Variants in CACNA1C observed in about 807,000 individuals in gnomAD.
The protein encoded by CACNA1C is calcium voltage-gated channel subunit alpha1 C.
A neutral mutation model predicts 229.0 loss-of-function variants in CACNA1C; 30 were observed. That is an observed-to-expected ratio of 0.13 (90% confidence interval 0.10 to 0.18). The LOEUF (loss-of-function observed/expected upper bound fraction) is 0.18. Ranked by LOEUF, CACNA1C falls within the 10% of genes least tolerant of loss-of-function variation. The probability of loss-of-function intolerance (pLI) is 1.00; values close to 1 mark genes in which losing one functional copy is unlikely to be tolerated. For synonymous variants in CACNA1C, 1,114 were observed against 1,132.5 expected, an observed-to-expected ratio of 0.98 and a Z score of 0.33; for missense variants, 1,658 against 2,845.0, an observed-to-expected ratio of 0.58 and a Z score of 9.49.
At chr12:2,427,129 T>C (rs4765678) in intron 3 of CACNA1C, among the ~76,000 whole-genome samples, 118,223 of 152,066 alleles carry the variant, frequency 0.78, 46,039 homozygotes, top group Admixed American at 0.82. Flanking sequence ...AAGGATGTAA[T>C]GAGCTAGAGA....
chr12:2,218,161 G>A (rs888903987), intron 3 of CACNA1C, among the ~76,000 whole-genome samples: 2 of 152,130 alleles, frequency 1.3e-5, no homozygotes, highest in Non-Finnish European at 2.9e-5. Flanking sequence ...CTCCTCCCAC[G>A]TCCCTACTCT....
At chr12:2,137,467 T>C (rs1481161265) in intron 3 of CACNA1C, among the ~76,000 whole-genome samples, 3 of 150,692 alleles carry the variant, frequency 2.0e-5, no homozygotes, top group African/African-American at 7.3e-5. Context: ...GCACCTGTAG[T>C]TTTAGCTGCT....
chr12:2,567,462 G>T (rs2051788497), intron 12 of CACNA1C, 107 bp from the exon 13 acceptor site: 3 of 700,760 alleles, frequency 4.3e-6, no homozygotes, highest in Non-Finnish European at 7.2e-6. Flanking sequence ...GAGGTGTCAT[G>T]GGGGATCTTT....
At chr12:2,139,828 T>C (rs1014250525) in intron 3 of CACNA1C, among the ~76,000 whole-genome samples, 8 of 151,090 alleles carry the variant, frequency 5.3e-5, no homozygotes, top group Non-Finnish European at 8.9e-5. Flanking sequence ...ACTGGAGGTG[T>C]AAGGGGTGAG....
intron 3 of CACNA1C, among the ~76,000 whole-genome samples, chr12:2,158,774 A>G (rs563609796): frequency 1.3e-5 from 2 of 152,354 alleles, no homozygotes; most frequent in South Asian, 2.1e-4. Context: ...ACTTAGCCCG[A>G]TGCACCTTCT....
intron 1 of CACNA1C, among the ~76,000 whole-genome samples, chr12:2,043,642 CTTTTTTT>C (rs67625680): frequency 9.8e-5 from 9 of 91,384 alleles, no homozygotes; most frequent in African/African-American, 2.8e-4. Context: ...ACAGAATATT[CTTTTTTT>C]TTTTTTTTTT....
intron 1 of CACNA1C, among the ~76,000 whole-genome samples, chr12:2,098,271 G>A (rs1418959648): frequency 6.6e-6 from 1 of 152,198 alleles, no homozygotes; most frequent in East Asian, 1.9e-4. Context: ...GTGGGGTTTT[G>A]TAGGGATTAA....
chr12:2,599,084 GC>G (rs2153385391), intron 21 of CACNA1C, among the ~76,000 whole-genome samples: 1 of 152,312 alleles, frequency 6.6e-6, no homozygotes, highest in African/African-American at 2.4e-5. Context: ...AATTCTCAGT[GC>G]CCTTCTACAG....
intron 1 of CACNA1C, among the ~76,000 whole-genome samples, chr12:1,999,391 T>C (rs1161908063): frequency 6.6e-6 from 1 of 152,216 alleles, no homozygotes; most frequent in Non-Finnish European, 1.5e-5. Flanking sequence ...CTCAAGATGT[T>C]TATTATTATG....
upstream of CACNA1C, among the ~76,000 whole-genome samples, chr12:2,051,014 G>A (rs983166341): frequency 6.6e-6 from 1 of 152,084 alleles, no homozygotes; most frequent in Non-Finnish European, 1.5e-5. Context: ...TTTTAGTGGG[G>A]GGATACAGAC....
intron 1 of CACNA1C, among the ~76,000 whole-genome samples, chr12:2,007,846 C>T (rs1359090408): frequency 2.6e-5 from 4 of 152,188 alleles, no homozygotes; most frequent in Non-Finnish European, 5.9e-5. Context: ...ACAATCCTTT[C>T]AGCCTATGAA....
chr12:2,286,514 C>T (rs1208953691), intron 3 of CACNA1C, among the ~76,000 whole-genome samples: 1 of 152,204 alleles, frequency 6.6e-6, no homozygotes, highest in African/African-American at 2.4e-5. Flanking sequence ...GATGGCCCAG[C>T]ACCCAGCTGC....
intron 15 of CACNA1C, among the ~76,000 whole-genome samples, chr12:2,583,467 C>A (rs1266272728): frequency 6.6e-6 from 1 of 152,222 alleles, no homozygotes; most frequent in African/African-American, 2.4e-5. Context: ...CTGATCCCGG[C>A]TGGGGCAGGT....
intron 3 of CACNA1C, among the ~76,000 whole-genome samples, chr12:2,210,976 A>C (rs1214339603): frequency 6.6e-6 from 1 of 152,234 alleles, no homozygotes; most frequent in East Asian, 1.9e-4. Context: ...AGATGGTTAT[A>C]GTAATGGAGG....
At chr12:1,992,130 G>C (rs1302289379) in intron 1 of CACNA1C, 1 of 262,234 alleles carries the variant, frequency 3.8e-6, no homozygotes, top group Non-Finnish European at 8.2e-6. Context: ...TGTACCTTTC[G>C]GCAAAGAAAC....
intron 3 of CACNA1C, among the ~76,000 whole-genome samples, chr12:2,185,415 C>A (rs186614293): frequency 6.6e-4 from 101 of 152,308 alleles, no homozygotes; most frequent in Non-Finnish European, 6.9e-4. Context: ...TGGGTCCCCC[C>A]AAAACTCATG....
chr12:2,031,240 G>A (rs1376435797), intron 1 of CACNA1C, among the ~76,000 whole-genome samples: 1 of 152,188 alleles, frequency 6.6e-6, no homozygotes, highest in African/African-American at 2.4e-5. Flanking sequence ...TCTCTTGGGG[G>A]TCCAACCTGG....
chr12:2,510,819 C>A (rs1459045740), intron 8 of CACNA1C, among the ~76,000 whole-genome samples: 1 of 152,112 alleles, frequency 6.6e-6, no homozygotes, highest in Non-Finnish European at 1.5e-5. Flanking sequence ...AGAGAGGAGG[C>A]CTTGAAACAT....
chr12:2,259,230 A>G (rs2370414), intron 3 of CACNA1C, among the ~76,000 whole-genome samples: 75,368 of 151,992 alleles, frequency 0.5, 20,747 homozygotes, highest in African/African-American at 0.75. Context: ...AGCTCCCCAC[A>G]CCCCGCCCTG....
Sources: gnomAD v4.1 joint callset for allele counts (sites outside exome capture counted in the v4.1 genomes callset) on GRCh38, gnomAD v4.1.1 for gene constraint, MANE v1.5 for transcripts, NCBI Gene and HGNC (gene_info 2026-07-23, HGNC 2026-07-21) for gene names.